Variants in ANKRD55 observed in about 807,000 individuals in gnomAD.
The protein encoded by ANKRD55 is ankyrin repeat domain 55.
ANKRD55 carries 41 observed loss-of-function variants against 60.6 expected under a neutral mutation model. The ratio of observed to expected loss-of-function variants is 0.68; its 90% CI spans 0.53 to 0.88. The LOEUF is 0.88. ANKRD55 is among the 40% of genes least tolerant of loss of function. The pLI is 0.00. For synonymous variants in ANKRD55, 264 were observed against 290.3 expected (o/e 0.91, Z 0.92); for missense variants, 732 against 767.6 (o/e 0.95, Z 0.55).
rs1561263724 is a variant in ANKRD55, at chr5:56,135,251, CTT to C, written c.613-8147_613-8146del. 1.2e-3 allele frequency among the ~76,000 whole-genome samples: 166 copies of C among 137,686 alleles called. 4 individuals carry two copies. The highest frequency in any genetic ancestry group is 4.4e-3 in the African/African-American group (147 of 33,784). 90.3% of individuals were successfully genotyped at this position (137,686 alleles called of 152,430 possible). On this transcript the variant is annotated intron_variant, in intron 7 of 11. Transcript: ENST00000341048. ...CCTTCCTTCCTTCCTTCCTTCCTTC[CTT>C]CCTTCCTTCTTTCCCTCCCTCCCTC...
At chr5:56,202,628 C>G (rs1015785476) in intron 2 of ANKRD55, among the ~76,000 whole-genome samples, 2 of 152,192 alleles carry the variant, frequency 1.3e-5, no homozygotes, top group Non-Finnish European at 2.9e-5. Context: ...AACAAACATG[C>G]AAAGTGACCT....
At chr5:56,144,501 A>T (rs75287028) in intron 6 of ANKRD55, among the ~76,000 whole-genome samples, 5,151 of 143,720 alleles carry the variant, frequency 0.036, 344 homozygotes, top group African/African-American at 0.12. Context: ...GAATGAATGA[A>T]TGAGGTAGGA....
At chr5:56,209,528 G>A (rs1318191718) in intron 2 of ANKRD55, among the ~76,000 whole-genome samples, 4 of 149,716 alleles carry the variant, frequency 2.7e-5, no homozygotes, top group Non-Finnish European at 5.9e-5. Flanking sequence ...GTGCAGTGGT[G>A]CGATCTCGGC....
chr5:56,163,630 G>C (rs1047052217), intron 5 of ANKRD55, among the ~76,000 whole-genome samples: 1 of 152,154 alleles, frequency 6.6e-6, no homozygotes, highest in Admixed American at 6.5e-5. Context: ...GCCACTGTTA[G>C]AATCCCTGCT....
At chr5:56,200,321 A>T (rs75259730) in intron 2 of ANKRD55, among the ~76,000 whole-genome samples, 1,631 of 151,664 alleles carry the variant, frequency 0.011, 33 homozygotes, top group African/African-American at 0.038. Flanking sequence ...GTTTTTTTTT[A>T]AAAAAGACAT....
chr5:56,107,636 C>T (rs933291743), intron 10 of ANKRD55, among the ~76,000 whole-genome samples: 4 of 152,108 alleles, frequency 2.6e-5, no homozygotes, highest in Non-Finnish European at 5.9e-5. Context: ...GAGATGCAAG[C>T]GGAAGTGTGG....
At chr5:56,139,853 CTT>C (rs377614759) in intron 7 of ANKRD55, among the ~76,000 whole-genome samples, 52 of 152,160 alleles carry the variant, frequency 3.4e-4, no homozygotes, top group Middle Eastern at 3.4e-3. Flanking sequence ...GGGAGGATCT[CTT>C]GAGTCCAGGA....
intron 3 of ANKRD55, among the ~76,000 whole-genome samples, chr5:56,180,500 G>A (rs979777040): frequency 2.6e-5 from 4 of 152,204 alleles, no homozygotes; most frequent in African/African-American, 7.2e-5. Context: ...ATGCCAAGAT[G>A]TCTCTTCAGA....
intron 5 of ANKRD55, among the ~76,000 whole-genome samples, chr5:56,161,587 G>A (rs1758331799): frequency 6.6e-6 from 1 of 152,176 alleles, no homozygotes; most frequent in African/African-American, 2.4e-5. Context: ...TATTTGCGGT[G>A]GAGGTGAAAT....
At chr5:56,120,856 G>A (rs1425159915) in intron 8 of ANKRD55, among the ~76,000 whole-genome samples, 7 of 143,004 alleles carry the variant, frequency 4.9e-5, no homozygotes, top group East Asian at 4.2e-4. Flanking sequence ...CCAAGATCGC[G>A]CCACTGCTAC....
intron 2 of ANKRD55, among the ~76,000 whole-genome samples, chr5:56,213,318 C>T (rs1242656470): frequency 6.6e-6 from 1 of 152,056 alleles, no homozygotes; most frequent in Non-Finnish European, 1.5e-5. Flanking sequence ...TACACTGAAT[C>T]TCTCTGGAAG....
intron 2 of ANKRD55, chr5:56,193,274 CT>C: frequency 9.2e-7 from 1 of 1,091,904 alleles, no homozygotes; most frequent in Non-Finnish European, 1.3e-6. Flanking sequence ...AGACTTAGCA[CT>C]GGGGAGATGC....
intron 7 of ANKRD55, chr5:56,137,168 T>G: frequency 6.5e-7 from 1 of 1,530,430 alleles, no homozygotes; most frequent in Non-Finnish European, 9.0e-7. Flanking sequence ...GACGTTACAG[T>G]GGTGGAGTTG....
rs577542773 is a variant in ANKRD55, at chr5:56,124,896, G to C, written c.797+2026C>G. Among the ~76,000 whole-genome samples, 344 of 152,296 alleles carry C rather than the reference G, an allele frequency of 2.3e-3. 1 individual carries two copies. Among genetic ancestry groups the C allele is most frequent in the African/African-American group, 8.0e-3 (331 of 41,558 alleles). The stretch of plus-strand genomic sequence containing the variant: ...TGCAGAAAACGTGGAAAAAAATGGA[G>C]GCTAGGATTTGATCAGTACATGAGG... On this transcript the variant is annotated intron_variant, in intron 8 of 11. Transcript: ENST00000341048.
chr5:56,160,715 C>T (rs1036828089), intron 5 of ANKRD55: 1 of 152,236 alleles, frequency 6.6e-6, no homozygotes, highest in Non-Finnish European at 1.5e-5. Context: ...GTAAAATACA[C>T]ACATGCCTAA....
intron 3 of ANKRD55, 54 bp from the exon 4 acceptor site, chr5:56,176,336 G>A (rs1161705946): frequency 1.9e-6 from 3 of 1,608,890 alleles, no homozygotes; most frequent in Non-Finnish European, 2.6e-6. Flanking sequence ...TGAAACTGAT[G>A]AGCAGGCTTT....
At chr5:56,227,884 T>A (rs1197107128) in intron 2 of ANKRD55, among the ~76,000 whole-genome samples, 1 of 152,184 alleles carries the variant, frequency 6.6e-6, no homozygotes, top group African/African-American at 2.4e-5. Context: ...TCCATAAACA[T>A]TCGCTCTTGT....
At chr5:56,173,486 C>A (rs1480141116) in intron 4 of ANKRD55, among the ~76,000 whole-genome samples, 1 of 150,896 alleles carries the variant, frequency 6.6e-6, no homozygotes, top group East Asian at 2.0e-4. Flanking sequence ...GCGTGAGCCA[C>A]CATGCCCGGC....
chr5:56,138,907 T>C (rs1289240328), intron 7 of ANKRD55, among the ~76,000 whole-genome samples: 1 of 152,204 alleles, frequency 6.6e-6, no homozygotes, highest in African/African-American at 2.4e-5. Context: ...TAATGATGGA[T>C]ACATGTCATT....
Sources: gnomAD v4.1 joint callset for allele counts (sites outside exome capture counted in the v4.1 genomes callset) on GRCh38, gnomAD v4.1.1 for gene constraint, MANE v1.5 for transcripts, NCBI Gene and HGNC (gene_info 2026-07-23, HGNC 2026-07-21) for gene names.